ELF2: variants seen among roughly 807,000 people sequenced by gnomAD.
ELF2 encodes E74 like ETS transcription factor 2, also known as ETS-related transcription factor Elf-2.
Under a neutral mutation model 54.8 loss-of-function variants are expected in ELF2, and 11 were observed. The ratio of observed to expected loss-of-function variants is 0.20; its 90% CI spans 0.13 to 0.33. The LOEUF (loss-of-function observed/expected upper bound fraction) is 0.33, where lower values mean the gene tolerates loss of function less well. ELF2 is among the 10% of genes least tolerant of loss of function. The pLI, the probability that ELF2 is intolerant of heterozygous loss-of-function variation, is 1.00. For missense variants in ELF2, 513 were observed against 703.0 expected (o/e 0.73, Z 3.06); for synonymous variants, 203 against 245.1 (o/e 0.83, Z 1.61).
chr4:139,171,877 T>C (rs765209541), intron 1 of ELF2, among the ~76,000 whole-genome samples: 2 of 152,136 alleles, frequency 1.3e-5, no homozygotes, highest in Non-Finnish European at 2.9e-5. Flanking sequence ...TGAGCTGAGA[T>C]TGCACTACTG....
intron 1 of ELF2, among the ~76,000 whole-genome samples, chr4:139,159,230 A>G (rs572289746): frequency 1.3e-5 from 2 of 152,286 alleles, no homozygotes; most frequent in East Asian, 3.9e-4. Flanking sequence ...AAGGGGCCTA[A>G]GAAATTCCTG....
rs369292204 is a variant in ELF2 at position 139,079,948 on chromosome 4, G to A, written c.239-6381C>T. Among the ~76,000 whole-genome samples, 16 of 152,290 alleles carry A rather than the reference G, an allele frequency of 1.1e-4. No individual in the cohort carries two copies. In the East Asian group the frequency reaches 2.9e-3, roughly 28 times the overall value. The stretch of plus-strand genomic sequence containing the variant: ...TAAAAAAAATAAAAATTATGATTCT[G>A]TAAGTAAAACAGTATTTGTCTACTC... On this transcript the variant is annotated intron_variant, in intron 4 of 9. Coordinates refer to ENST00000686138, the MANE Select transcript of ELF2 (RefSeq NM_001331036.3).
intron 7 of ELF2, among the ~76,000 whole-genome samples, chr4:139,063,938 G>A (rs550464241): frequency 1.3e-4 from 20 of 152,074 alleles, no homozygotes; most frequent in African/African-American, 4.1e-4. Context: ...AGTAGGCAGC[G>A]GTCATTAGAA....
chr4:139,077,555 T>C (rs1239952206), intron 4 of ELF2, among the ~76,000 whole-genome samples: 2 of 152,182 alleles, frequency 1.3e-5, no homozygotes, highest in Non-Finnish European at 2.9e-5. Context: ...ACTTAACACA[T>C]TTTGTAAAAG....
chr4:139,092,423 T>TAACATAACA (rs1732755159), intron 4 of ELF2, among the ~76,000 whole-genome samples: 13 of 113,678 alleles, frequency 1.1e-4, no homozygotes, highest in African/African-American at 3.9e-4. Context: ...ATACATAACA[T>TAACATAACA]AACATAACAT....
At chr4:139,106,152 A>T (rs1734380283) in intron 4 of ELF2, among the ~76,000 whole-genome samples, 1 of 152,240 alleles carries the variant, frequency 6.6e-6, no homozygotes, top group Non-Finnish European at 1.5e-5. Context: ...AAACATTTAA[A>T]GAAATATATT....
chr4:139,075,279 A>T (rs1341834557), intron 4 of ELF2, among the ~76,000 whole-genome samples: 3 of 152,210 alleles, frequency 2.0e-5, no homozygotes, highest in Non-Finnish European at 4.4e-5. Context: ...TGAGGTAAGC[A>T]ACTTAATCTC....
At chr4:139,128,723 T>C (rs1454879574) in intron 3 of ELF2, among the ~76,000 whole-genome samples, 2 of 151,814 alleles carry the variant, frequency 1.3e-5, no homozygotes, top group African/African-American at 2.4e-5. Context: ...GGTTTCACCA[T>C]GTTGCCCAGG....
chr4:139,062,073 C>T lies in ELF2; in HGVS notation c.614-16G>A. On this transcript the variant is annotated splice_polypyrimidine_tract_variant and intron_variant, in intron 7 of 9. Coordinates refer to ENST00000686138, the MANE Select transcript of ELF2 (RefSeq NM_001331036.3). Reference sequence around the variant, plus strand: ...GTTGTGTTTCCTTTAAAAACAATGACAGACATTGATTAAAATTCATTAACA... The same window carrying T: ...GTTGTGTTTCCTTTAAAAACAATGATAGACATTGATTAAAATTCATTAACA... The T allele has an allele frequency of 6.2e-7, 1 of 1,602,356 alleles. No homozygotes were observed. The highest frequency in any genetic ancestry group is 8.5e-7 in the Non-Finnish European group (1 of 1,174,436).
intron 1 of ELF2, among the ~76,000 whole-genome samples, chr4:139,169,173 C>A (rs540043451): frequency 1.3e-5 from 2 of 151,758 alleles, no homozygotes; most frequent in East Asian, 2.0e-4. Flanking sequence ...AATGGTGAAA[C>A]CCCATTCCTA....
At chr4:139,121,314 T>C (rs1736322691) in intron 4 of ELF2, among the ~76,000 whole-genome samples, 1 of 151,312 alleles carries the variant, frequency 6.6e-6, no homozygotes, top group Admixed American at 6.6e-5. Flanking sequence ...TTCACCGTGT[T>C]AGCCAGGATG....
rs867102078 is a variant in ELF2 at position 139,115,462 on chromosome 4, C to G, written c.238+9702G>C. 1.6e-3 allele frequency: 1,487 copies of G among 946,400 alleles called. 16 individuals carry two copies. The African/African-American group carries it at 0.024, about 15-fold the overall frequency. The allele number at this position is 946,400 out of a possible 1,614,324, so 58.6% of individuals were successfully genotyped here. On this transcript the variant is annotated intron_variant, in intron 4 of 9. Transcript: ENST00000686138. ...CCCCGGCTGGCTGGGGTTAGCTCGC[C>G]GCGGCGAGGGCAGCGGCGGGGGTGC...
At chr4:139,114,163 G>T (rs1331668119) in intron 4 of ELF2, among the ~76,000 whole-genome samples, 1 of 152,050 alleles carries the variant, frequency 6.6e-6, no homozygotes, top group East Asian at 1.9e-4. Context: ...TATTAAAATA[G>T]ATTTTCTTTT....
At position 139,144,998 on chromosome 4, in the gene ELF2, T is replaced by C. The variant is rs141328178; in HGVS notation, c.-251-5501A>G. Among the ~76,000 whole-genome samples the C allele has an allele frequency of 4.6e-3, 703 of 152,262 alleles. 5 individuals carry two copies. Among genetic ancestry groups the C allele is most frequent in the African/African-American group, 0.016 (677 of 41,550 alleles). On this transcript the variant is annotated intron_variant, in intron 1 of 9. Transcript: ENST00000686138. ...ACCAAAATACCTCCCATGGGTAACA[T>C]AAGACAAGCACATATCCCACCACTT...
intron 4 of ELF2, among the ~76,000 whole-genome samples, chr4:139,110,297 A>G (rs749941370): frequency 1.3e-5 from 2 of 152,212 alleles, no homozygotes; most frequent in Non-Finnish European, 1.5e-5. Flanking sequence ...TGATGGGCTT[A>G]CGTCACATTT....
chr4:139,073,570 G>A lies in ELF2; in HGVS notation c.239-3C>T. 2 of 1,504,296 alleles carry A rather than the reference G, an allele frequency of 1.3e-6. No individual in the cohort carries two copies. The highest frequency in any genetic ancestry group is 2.7e-5 in the South Asian group (2 of 73,444). The allele number at this position is 1,504,296 out of a possible 1,614,324, so 93.2% of individuals were successfully genotyped here. ...ACTGCTGTGAACTGATGCTTCCACTGGAGGAAAAATAAGTTCTACTCAATT... is the reference window on the plus strand; with the variant it reads ...ACTGCTGTGAACTGATGCTTCCACTAGAGGAAAAATAAGTTCTACTCAATT... On this transcript the variant is annotated splice_region_variant and splice_polypyrimidine_tract_variant and intron_variant, in intron 4 of 9. Coordinates refer to ENST00000686138, the MANE Select transcript of ELF2 (RefSeq NM_001331036.3).
intron 4 of ELF2, among the ~76,000 whole-genome samples, chr4:139,092,404 TA>T (rs1553959647): frequency 1.1e-5 from 1 of 89,442 alleles, no homozygotes; most frequent in Non-Finnish European, 2.2e-5. Context: ...TAACATAACA[TA>T]ACATAACATA....
intron 4 of ELF2, among the ~76,000 whole-genome samples, chr4:139,106,560 A>C (rs1734430044): frequency 6.6e-6 from 1 of 151,870 alleles, no homozygotes; most frequent in African/African-American, 2.4e-5. Context: ...TTTTCATATC[A>C]TATTACGGTT....
At chr4:139,126,256 C>A (rs892691429) in intron 3 of ELF2, among the ~76,000 whole-genome samples, 29 of 150,488 alleles carry the variant, frequency 1.9e-4, no homozygotes, top group African/African-American at 6.8e-4. Context: ...AAAGATAAAG[C>A]AATAGAAAAC....
Sources: gnomAD v4.1 joint callset for allele counts (sites outside exome capture counted in the v4.1 genomes callset) on GRCh38, gnomAD v4.1.1 for gene constraint, MANE v1.5 for transcripts, NCBI Gene and HGNC (gene_info 2026-07-23, HGNC 2026-07-21) for gene names.